CORO2A: variants seen among roughly 807,000 people sequenced by gnomAD.
CORO2A encodes coronin-2A.
Under a neutral mutation model 62.4 loss-of-function variants are expected in CORO2A, and 47 were observed. That is an observed-to-expected ratio of 0.75 (90% CI 0.60 to 0.96). The LOEUF is 0.96. Ranked by LOEUF, CORO2A falls within the 40% of genes least tolerant of loss-of-function variation. The pLI is 0.00. For missense variants in CORO2A, 610 were observed against 684.1 expected (o/e 0.89, Z 1.21); for synonymous variants, 273 against 268.9 (o/e 1.02, Z -0.15).
intron 1 of CORO2A, among the ~76,000 whole-genome samples, chr9:98,175,723 C>T (rs1361871744): frequency 6.6e-6 from 1 of 152,314 alleles, no homozygotes; most frequent in East Asian, 1.9e-4. Flanking sequence ...ACCTGCCTGC[C>T]GGGCTCAGAC....
intron 2 of CORO2A, among the ~76,000 whole-genome samples, chr9:98,138,820 G>A (rs1357338895): frequency 4.6e-5 from 7 of 152,014 alleles, no homozygotes; most frequent in Non-Finnish European, 7.4e-5. Flanking sequence ...GGGCCGAGGC[G>A]GGTGGATCAC....
intron 2 of CORO2A, among the ~76,000 whole-genome samples, chr9:98,149,270 C>A (rs1027512393): frequency 6.6e-6 from 1 of 152,208 alleles, no homozygotes; most frequent in African/African-American, 2.4e-5. Flanking sequence ...TTAAACTGGG[C>A]ATCCTGTATT....
At chr9:98,125,368 G>A (rs182139940) in intron 11 of CORO2A, among the ~76,000 whole-genome samples, 100 of 152,320 alleles carry the variant, frequency 6.6e-4, no homozygotes, top group Admixed American at 6.5e-3. Context: ...CTATAAGGGT[G>A]GCAGTGCTAG....
chr9:98,179,989 T>C (rs909507407), intron 1 of CORO2A, among the ~76,000 whole-genome samples: 1 of 151,386 alleles, frequency 6.6e-6, no homozygotes, highest in Non-Finnish European at 1.5e-5. Flanking sequence ...GATGACAGAG[T>C]GAGACTCCAT....
Position 98,185,531 on chromosome 9 carries a change from A to G in CORO2A, c.-1+7028T>C, listed in dbSNP as rs182792070. ...TTGTTGTCCGCAATCTTAGACTCCAAACCATTGCTGGAGGCTCGTATCTGA... is the reference window on the plus strand; with the variant it reads ...TTGTTGTCCGCAATCTTAGACTCCAGACCATTGCTGGAGGCTCGTATCTGA... On this transcript the variant is annotated intron_variant, in intron 1 of 11. Transcript: ENST00000375077. Among the ~76,000 whole-genome samples, 964 of 152,240 alleles carry G rather than the reference A, an allele frequency of 6.3e-3. 13 individuals are homozygous for G. The highest frequency in any genetic ancestry group is 0.022 in the African/African-American group (906 of 41,550).
At chr9:98,154,564 C>T (rs1418749233) in intron 2 of CORO2A, among the ~76,000 whole-genome samples, 1 of 151,860 alleles carries the variant, frequency 6.6e-6, no homozygotes, top group Admixed American at 6.6e-5. Context: ...TCTCCATCCC[C>T]CAGGGGTAAC....
chr9:98,133,856 T>C (rs757047116), intron 4 of CORO2A, among the ~76,000 whole-genome samples: 42 of 152,182 alleles, frequency 2.8e-4, no homozygotes, highest in Non-Finnish European at 5.6e-4. Context: ...TGGGCTCAAG[T>C]GATCCTCCCA....
intron 10 of CORO2A, 152 bp downstream of exon 10, chr9:98,128,018 A>G (rs1827351131): frequency 1.6e-6 from 1 of 626,366 alleles, no homozygotes; most frequent in South Asian, 2.2e-5. Flanking sequence ...GTATGTGACC[A>G]TGCTACCCAC....
At chr9:98,177,277 T>G (rs972102717) in intron 1 of CORO2A, among the ~76,000 whole-genome samples, 12 of 152,100 alleles carry the variant, frequency 7.9e-5, no homozygotes. Context: ...CAGCTGGAGA[T>G]AGCCCCTGTG....
At chr9:98,151,856 G>T (rs1351676644) in intron 2 of CORO2A, among the ~76,000 whole-genome samples, 2 of 131,472 alleles carry the variant, frequency 1.5e-5, no homozygotes, top group African/African-American at 2.9e-5. Context: ...TCGCTCTGTC[G>T]CCCAGGCTGG....
intron 2 of CORO2A, among the ~76,000 whole-genome samples, chr9:98,154,352 T>C (rs13287241): frequency 0.14 from 13,214 of 94,168 alleles, 1,827 homozygotes; most frequent in African/African-American, 0.33. Context: ...TATATATATA[T>C]ACACAAATAC....
chr9:98,133,711 G>A (rs550622998), intron 4 of CORO2A, among the ~76,000 whole-genome samples: 6 of 152,290 alleles, frequency 3.9e-5, no homozygotes, highest in Middle Eastern at 3.4e-3. Flanking sequence ...ATGAGAAAGC[G>A]CTGTGGATCG....
chr9:98,161,203 C>G (rs951146928), intron 1 of CORO2A, among the ~76,000 whole-genome samples: 13 of 152,016 alleles, frequency 8.6e-5, no homozygotes, highest in Non-Finnish European at 1.8e-4. Context: ...GAGGCAGGAC[C>G]CAGATCATCT....
chr9:98,153,040 T>G (rs1827748146), intron 2 of CORO2A, among the ~76,000 whole-genome samples: 1 of 152,244 alleles, frequency 6.6e-6, no homozygotes, highest in African/African-American at 2.4e-5. Context: ...ATTCTCGTTC[T>G]TAGAAGATAC....
intron 1 of CORO2A, among the ~76,000 whole-genome samples, chr9:98,178,200 C>T (rs1319719402): frequency 1.3e-5 from 2 of 152,094 alleles, no homozygotes; most frequent in African/African-American, 4.8e-5. Flanking sequence ...GCATGAGCCA[C>T]CATGCCCGGC....
intron 2 of CORO2A, among the ~76,000 whole-genome samples, chr9:98,149,054 T>C (rs1827688130): frequency 6.6e-6 from 1 of 152,164 alleles, no homozygotes; most frequent in African/African-American, 2.4e-5. Flanking sequence ...TTGACTGTAG[T>C]GATGCCAGTA....
chr9:98,180,225 G>A (rs1020145267), intron 1 of CORO2A, among the ~76,000 whole-genome samples: 2 of 152,048 alleles, frequency 1.3e-5, no homozygotes, highest in African/African-American at 2.4e-5. Flanking sequence ...TACGTTCATC[G>A]CATCCCATAT....
At chr9:98,184,219 ATTATT>A (rs991302286) in intron 1 of CORO2A, among the ~76,000 whole-genome samples, 12 of 144,346 alleles carry the variant, frequency 8.3e-5, no homozygotes, top group South Asian at 2.2e-4. Context: ...CAAGTATAAA[ATTATT>A]TTATTTTATT....
In CORO2A at chr9:98,179,259, G is replaced by A. The variant is rs572917967; in HGVS notation, c.-1+13300C>T. Among the ~76,000 whole-genome samples the A allele has an allele frequency of 4.5e-3, 682 of 152,330 alleles. 2 individuals are homozygous for A. Among genetic ancestry groups the A allele is most frequent in the Non-Finnish European group, 7.9e-3 (537 of 68,032 alleles). On this transcript the variant is annotated intron_variant, in intron 1 of 11. Coordinates refer to ENST00000375077, the MANE Select transcript of CORO2A (RefSeq NM_052820.4). ...CTGAGATCTGGGACCGCTAGAGCAT[G>A]AGGATTCTGCCTCTGCCTACCAGCC...
Sources: allele counts gnomAD v4.1 joint callset (sites outside exome capture counted in the v4.1 genomes callset), GRCh38; gene constraint gnomAD v4.1.1; transcripts MANE v1.5; gene names NCBI Gene and HGNC (gene_info 2026-07-23, HGNC 2026-07-21).